The following MARCHF1 variants were observed in gnomAD, a reference collection of about 807,000 sequenced individuals.
The protein encoded by MARCHF1 is E3 ubiquitin-protein ligase MARCHF1.
A neutral mutation model predicts 54.2 loss-of-function variants in MARCHF1; 40 were observed. That is an observed-to-expected ratio of 0.74 (90% CI 0.57 to 0.96). The LOEUF (loss-of-function observed/expected upper bound fraction) is 0.96, where lower values mean the gene tolerates loss of function less well. MARCHF1 is among the 40% of genes least tolerant of loss of function. The probability of loss-of-function intolerance (pLI) is 0.00; values close to 1 mark genes in which losing one functional copy is unlikely to be tolerated. For missense variants in MARCHF1, 586 were observed against 656.5 expected (o/e 0.89, Z 1.17); for synonymous variants, 236 against 236.3 (o/e 1.00, Z 0.01).
At chr4:163,857,914 G>C (rs1261630889) in intron 3 of MARCHF1, among the ~76,000 whole-genome samples, 1 of 152,132 alleles carries the variant, frequency 6.6e-6, no homozygotes, top group East Asian at 1.9e-4. Context: ...AGCTATGATA[G>C]CAGTATACTG....
At chr4:164,045,145 T>A (rs984147372) in intron 2 of MARCHF1, among the ~76,000 whole-genome samples, 3 of 151,728 alleles carry the variant, frequency 2.0e-5, no homozygotes, top group African/African-American at 7.3e-5. Flanking sequence ...AAACAAAAAA[T>A]AAACAACAAT....
chr4:163,935,181 G>C (rs1214054162), intron 3 of MARCHF1, among the ~76,000 whole-genome samples: 1 of 151,784 alleles, frequency 6.6e-6, no homozygotes, highest in Non-Finnish European at 1.5e-5. Flanking sequence ...AATTCTTAAG[G>C]GTCATACAAT....
intron 1 of MARCHF1, among the ~76,000 whole-genome samples, chr4:164,356,316 G>C (rs78979860): frequency 0.33 from 36,584 of 111,656 alleles, 7,232 homozygotes; most frequent in Non-Finnish European, 0.41. Context: ...CACATGAACA[G>C]GTATGTTTAT....
intron 1 of MARCHF1, among the ~76,000 whole-genome samples, chr4:164,226,098 C>A (rs533125941): frequency 9.2e-5 from 14 of 151,878 alleles, no homozygotes; most frequent in Non-Finnish European, 1.9e-4. Context: ...CTCGTATTCT[C>A]CTTGGAGAAC....
rs576846897 is a variant in MARCHF1 at position 163,841,998 on chromosome 4, A to T, written c.111+12023T>A. Among the ~76,000 whole-genome samples, 333 of 152,266 alleles carry T rather than the reference A, an allele frequency of 2.2e-3. 2 individuals carry two copies. The highest frequency in any genetic ancestry group is 7.6e-3 in the African/African-American group (317 of 41,582). ...TGACAATTACTATGGTGATATAAAA[A>T]TAATTTAACGGGCCATCAACTAAGA... On this transcript the variant is annotated intron_variant, in intron 4 of 9. Coordinates refer to ENST00000514618, the MANE Select transcript of MARCHF1 (RefSeq NM_001394959.1).
intron 1 of MARCHF1, among the ~76,000 whole-genome samples, chr4:164,204,161 T>C (rs973641430): frequency 8.5e-5 from 13 of 152,282 alleles, no homozygotes; most frequent in South Asian, 2.1e-4. Context: ...AGGTGCTAAA[T>C]TGAAGTACGT....
At chr4:164,016,180 A>C (rs1181612996) in intron 2 of MARCHF1, among the ~76,000 whole-genome samples, 1 of 152,150 alleles carries the variant, frequency 6.6e-6, no homozygotes, top group Non-Finnish European at 1.5e-5. Context: ...GGTTTAATTG[A>C]CTCAGTTCCA....
chr4:163,882,525 G>A (rs1291531657), intron 3 of MARCHF1, among the ~76,000 whole-genome samples: 2 of 152,160 alleles, frequency 1.3e-5, no homozygotes, highest in Non-Finnish European at 2.9e-5. Flanking sequence ...ATAATTCTGT[G>A]AAATTGTTTA....
intron 3 of MARCHF1, among the ~76,000 whole-genome samples, chr4:163,936,219 C>T (rs1751791764): frequency 3.9e-5 from 6 of 152,058 alleles, no homozygotes; most frequent in Admixed American, 1.3e-4. Context: ...TCACAGATCA[C>T]CATACCAAAT....
intron 3 of MARCHF1, among the ~76,000 whole-genome samples, chr4:163,900,308 T>C (rs62350572): frequency 1.8e-3 from 280 of 151,828 alleles, no homozygotes; most frequent in South Asian, 6.3e-3. Context: ...CAAGCAGACA[T>C]CGTTATGTTC....
chr4:164,033,932 C>T lies in MARCHF1; in HGVS notation c.-247-45223G>A, dbSNP rs559371338. On this transcript the variant is annotated intron_variant, in intron 2 of 9. Transcript: ENST00000514618. Reference sequence around the variant, plus strand: ...AGTGATCTCATTACTGGGTATATACCCAAAGGAATATAAATCATTCTATTA... The same window carrying T: ...AGTGATCTCATTACTGGGTATATACTCAAAGGAATATAAATCATTCTATTA... Among the ~76,000 whole-genome samples, 4 of 151,968 alleles carry T rather than the reference C, an allele frequency of 2.6e-5. No homozygotes were observed. In the East Asian group the frequency reaches 5.8e-4, roughly 22 times the overall value.
At chr4:163,641,983 T>A (rs986774734) in intron 5 of MARCHF1, among the ~76,000 whole-genome samples, 14 of 152,112 alleles carry the variant, frequency 9.2e-5, no homozygotes, top group Non-Finnish European at 1.6e-4. Context: ...ACTATTTTTG[T>A]GGACCTCTCA....
intron 1 of MARCHF1, among the ~76,000 whole-genome samples, chr4:164,357,546 G>C (rs569553967): frequency 6.6e-6 from 1 of 152,188 alleles, no homozygotes; most frequent in South Asian, 2.1e-4. Context: ...ATGAGATGAA[G>C]GTTTTGAATT....
intron 8 of MARCHF1, among the ~76,000 whole-genome samples, chr4:163,562,402 C>T (rs1428651224): frequency 2.6e-5 from 4 of 152,194 alleles, no homozygotes; most frequent in Non-Finnish European, 5.9e-5. Flanking sequence ...ACTCTCAGTC[C>T]TGTCTGCAGC....
intron 3 of MARCHF1, among the ~76,000 whole-genome samples, chr4:163,886,966 T>C (rs1750552211): frequency 6.6e-6 from 1 of 152,202 alleles, no homozygotes; most frequent in African/African-American, 2.4e-5. Flanking sequence ...CTTCAAATGT[T>C]ATACATTCTA....
chr4:163,721,461 G>A (rs1404310991), intron 4 of MARCHF1, among the ~76,000 whole-genome samples: 5 of 152,144 alleles, frequency 3.3e-5, no homozygotes, highest in Admixed American at 6.5e-5. Context: ...TTGCATCGAT[G>A]TTCATCAGGG....
At position 164,342,554 on chromosome 4, in the gene MARCHF1, G is replaced by A. The variant is rs184364417; in HGVS notation, c.-323+41316C>T. 3.7e-3 allele frequency among the ~76,000 whole-genome samples: 552 copies of A among 150,990 alleles called. 5 individuals carry two copies. Among genetic ancestry groups the A allele is most frequent in the African/African-American group, 0.013 (530 of 41,344 alleles). ...ATAATAATAAAAAAATATTTAATAGGTTAAAAAATAAAATAAAATAAATAA... is the reference window on the plus strand; with the variant it reads ...ATAATAATAAAAAAATATTTAATAGATTAAAAAATAAAATAAAATAAATAA... On this transcript the variant is annotated intron_variant, in intron 1 of 9. Coordinates refer to ENST00000514618, the MANE Select transcript of MARCHF1 (RefSeq NM_001394959.1).
At chr4:164,175,838 C>A (rs1267222777) in intron 1 of MARCHF1, among the ~76,000 whole-genome samples, 1 of 152,166 alleles carries the variant, frequency 6.6e-6, no homozygotes, top group East Asian at 1.9e-4. Flanking sequence ...CTTTCTCTCT[C>A]TCTTTCATCC....
At chr4:164,002,237 C>T (rs1287426396) in intron 2 of MARCHF1, among the ~76,000 whole-genome samples, 1 of 151,324 alleles carries the variant, frequency 6.6e-6, no homozygotes, top group Non-Finnish European at 1.5e-5. Flanking sequence ...TAATTCTGAC[C>T]TTAATCACGA....
Sources: allele counts gnomAD v4.1 joint callset (sites outside exome capture counted in the v4.1 genomes callset), GRCh38; gene constraint gnomAD v4.1.1; transcripts MANE v1.5; gene names NCBI Gene and HGNC (gene_info 2026-07-23, HGNC 2026-07-21).